The following MDFIC variants were observed in gnomAD, a reference collection of about 807,000 sequenced individuals.
The protein encoded by MDFIC is MyoD family inhibitor domain containing.
In MDFIC, 17 loss-of-function variants were observed where a neutral mutation model predicts 23.2. That is an observed-to-expected ratio of 0.73 (90% CI 0.50 to 1.10). The LOEUF (loss-of-function observed/expected upper bound fraction) is 1.10, where lower values mean the gene tolerates loss of function less well. Ranked by LOEUF, MDFIC falls within the 50% of genes least tolerant of loss-of-function variation. MDFIC has a pLI of 0.00. For synonymous variants in MDFIC, 120 were observed against 115.2 expected (o/e 1.04, Z -0.27); for missense variants, 356 against 316.6 (o/e 1.12, Z -0.95).
At chr7:114,950,901 C>T (rs954067650) in intron 3 of MDFIC, among the ~76,000 whole-genome samples, 6 of 152,114 alleles carry the variant, frequency 3.9e-5, no homozygotes, top group African/African-American at 1.4e-4. Flanking sequence ...GGGCCAAGTG[C>T]AGTGGCTCAC....
At chr7:115,004,115 T>C (rs1354390592) in intron 4 of MDFIC, among the ~76,000 whole-genome samples, 1 of 152,204 alleles carries the variant, frequency 6.6e-6, no homozygotes, top group Non-Finnish European at 1.5e-5. Context: ...TGGAATCACA[T>C]AGATCTAAAT....
At chr7:114,985,684 A>G (rs946728794) in intron 4 of MDFIC, among the ~76,000 whole-genome samples, 1 of 151,594 alleles carries the variant, frequency 6.6e-6, no homozygotes, top group South Asian at 2.1e-4. Flanking sequence ...GCTCCCCTCT[A>G]TGTAAATTCA....
chr7:114,971,646 G>T (rs550945170), intron 3 of MDFIC, among the ~76,000 whole-genome samples: 3 of 152,180 alleles, frequency 2.0e-5, no homozygotes, highest in Admixed American at 2.0e-4. Context: ...TTTACATCAG[G>T]CTAGCTTTTG....
chr7:114,993,433 A>T (rs1264773713), intron 4 of MDFIC, among the ~76,000 whole-genome samples: 1 of 151,930 alleles, frequency 6.6e-6, no homozygotes, highest in South Asian at 2.1e-4. Context: ...AGTTCTTTTA[A>T]TTGTGATGTT....
chr7:114,929,038 T>C (rs1792253325), intron 2 of MDFIC, among the ~76,000 whole-genome samples: 1 of 139,204 alleles, frequency 7.2e-6, no homozygotes, highest in Non-Finnish European at 1.6e-5. Context: ...AAAATATAGA[T>C]ATAGATCTAT....
At chr7:114,965,980 C>T (rs1356865473) in intron 3 of MDFIC, among the ~76,000 whole-genome samples, 1 of 152,044 alleles carries the variant, frequency 6.6e-6, no homozygotes, top group Admixed American at 6.6e-5. Context: ...TATAATTTTC[C>T]ATATATGTAC....
intron 3 of MDFIC, among the ~76,000 whole-genome samples, chr7:114,957,493 A>C (rs1792905438): frequency 6.6e-6 from 1 of 152,176 alleles, no homozygotes; most frequent in Non-Finnish European, 1.5e-5. Flanking sequence ...AGTTTACCTA[A>C]GAGTCATATT....
intron 2 of MDFIC, among the ~76,000 whole-genome samples, chr7:114,935,362 T>G (rs1207070998): frequency 2.0e-5 from 3 of 152,078 alleles, no homozygotes; most frequent in Non-Finnish European, 4.4e-5. Flanking sequence ...TCTCAAAATT[T>G]AAACACAAAG....
intron 4 of MDFIC, among the ~76,000 whole-genome samples, chr7:114,998,934 T>A (rs1791402501): frequency 2.0e-5 from 3 of 152,168 alleles, no homozygotes; most frequent in African/African-American, 7.2e-5. Context: ...AGGAGGAGCA[T>A]CTATCTTTGC....
At chr7:114,936,799 G>A (rs1025561940) in intron 2 of MDFIC, among the ~76,000 whole-genome samples, 16 of 152,062 alleles carry the variant, frequency 1.1e-4, no homozygotes, top group African/African-American at 3.9e-4. Flanking sequence ...TTTCTTTATT[G>A]CATTGTTGAT....
intron 4 of MDFIC, among the ~76,000 whole-genome samples, chr7:115,013,680 C>A (rs1275894172): frequency 6.6e-6 from 1 of 152,170 alleles, no homozygotes; most frequent in African/African-American, 2.4e-5. Flanking sequence ...ATGAAGCTGG[C>A]TGTTTATAAC....
intron 2 of MDFIC, among the ~76,000 whole-genome samples, chr7:114,941,142 TAC>T (rs1188115072): frequency 2.0e-5 from 3 of 152,008 alleles, no homozygotes; most frequent in Non-Finnish European, 4.4e-5. Flanking sequence ...GTTCTAAAAA[TAC>T]TTACAAGAAA....
In MDFIC at chr7:114,979,557, G is replaced by C; in HGVS notation, c.269G>C (p.Gly90Ala). The C allele has an allele frequency of 6.2e-7, 1 of 1,613,992 alleles. No individual in the cohort carries two copies. Among genetic ancestry groups the C allele is most frequent in the Non-Finnish European group, 8.5e-7 (1 of 1,179,924 alleles). Reference protein sequence around the residue: ...QLQTSAQVPSGEEIGKIKNGH... With the variant: ...QLQTSAQVPSAEEIGKIKNGH... ...CAGACTTCAGCCCAGGTGCCAAGTG[G>C]TGAGGAAATAGGCAAGATAAAGAAC... is the stretch of plus-strand genomic sequence containing the variant. The change falls in exon 4 of 5, where the codon GGT (glycine) becomes GCT (alanine). Residue 90 changes from glycine to alanine, a missense_variant. Transcript: ENST00000393486.
intron 2 of MDFIC, among the ~76,000 whole-genome samples, chr7:114,933,253 C>CTTT (rs34608476): frequency 1.5e-5 from 2 of 135,932 alleles, no homozygotes; most frequent in Non-Finnish European, 1.6e-5. Context: ...GTGTTCCATT[C>CTTT]TTTTTTTTTT....
intron 3 of MDFIC, among the ~76,000 whole-genome samples, chr7:114,958,331 C>T (rs1457491219): frequency 6.6e-6 from 1 of 152,176 alleles, no homozygotes; most frequent in African/African-American, 2.4e-5. Context: ...CACAGTTTAC[C>T]ATATACTCTG....
At chr7:114,949,222 C>A (rs1452551390) in intron 3 of MDFIC, among the ~76,000 whole-genome samples, 1 of 151,818 alleles carries the variant, frequency 6.6e-6, no homozygotes, top group Non-Finnish European at 1.5e-5. Context: ...CCTGTTATTC[C>A]TAAATTATTT....
chr7:114,975,071 A>G (rs1019721040), intron 3 of MDFIC, among the ~76,000 whole-genome samples: 3 of 151,900 alleles, frequency 2.0e-5, no homozygotes, highest in Non-Finnish European at 2.9e-5. Context: ...TTTTGCTAGT[A>G]TTATGGAGTA....
intron 4 of MDFIC, among the ~76,000 whole-genome samples, chr7:114,984,885 T>C (rs971902978): frequency 1.3e-5 from 2 of 152,240 alleles, no homozygotes; most frequent in African/African-American, 4.8e-5. Flanking sequence ...ATTTTTGCAT[T>C]AATTTACACC....
chr7:114,941,144 C>A (rs1429456628), intron 2 of MDFIC, among the ~76,000 whole-genome samples: 1 of 151,750 alleles, frequency 6.6e-6, no homozygotes, highest in Non-Finnish European at 1.5e-5. Flanking sequence ...TCTAAAAATA[C>A]TTACAAGAAA....
Sources: gnomAD v4.1 joint callset for allele counts (sites outside exome capture counted in the v4.1 genomes callset) on GRCh38, gnomAD v4.1.1 for gene constraint, MANE v1.5 for transcripts, NCBI Gene and HGNC (gene_info 2026-07-23, HGNC 2026-07-21) for gene names.